The following RYR1 variants were observed in gnomAD, a reference collection of about 807,000 sequenced individuals.
RYR1 encodes the protein central core disease of muscle.
A neutral mutation model predicts 583.5 loss-of-function variants in RYR1; 342 were observed. That is an observed-to-expected ratio of 0.59 (90% CI 0.54 to 0.64). RYR1 has a LOEUF of 0.64. RYR1 is among the 30% of genes least tolerant of loss of function. The pLI is 0.00. For synonymous variants in RYR1, 2,791 were observed against 2,822.5 expected (o/e 0.99, Z 0.35); for missense variants, 6,032 against 6,917.2 (o/e 0.87, Z 4.54).
chr19:38,473,744 C>T lies in RYR1; in HGVS notation c.4133C>T (p.Ala1378Val). ...QPARAENEKD[A>V]TTEKNKKRGF... ...GCCAGGGCGGAGAATGAGAAGGATGCCACCACCGAGAAGAACAAGAAGAGA... is the reference window on the plus strand; with the variant it reads ...GCCAGGGCGGAGAATGAGAAGGATGTCACCACCGAGAAGAACAAGAAGAGA... The change falls in exon 28 of 106, where the codon GCC (alanine) becomes GTC (valine). Residue 1378 changes from alanine to valine, a missense_variant. Around this residue, in one of 11 missense-constraint regions of RYR1, gnomAD observed 2,627 missense variants for 2,961.3 expected, o/e 0.89. Transcript: ENST00000359596. 2 of 1,540,530 alleles carry T rather than the reference C, an allele frequency of 1.3e-6. No individual in the cohort carries two copies. The highest frequency in any genetic ancestry group is 1.8e-6 in the Non-Finnish European group (2 of 1,142,782).
chr19:38,510,607 T>C (rs1249791728), intron 59 of RYR1, 42 bp downstream of exon 59: 4 of 1,614,088 alleles, frequency 2.5e-6, no homozygotes, highest in South Asian at 2.2e-5. Context: ...TGGGGACTCA[T>C]AGGCTCTCCC....
intron 67 of RYR1, among the ~76,000 whole-genome samples, chr19:38,519,843 TA>T (rs1971144768): frequency 6.6e-6 from 1 of 151,920 alleles, no homozygotes; most frequent in Non-Finnish European, 1.5e-5. Flanking sequence ...CACGCCCAGC[TA>T]AGTTTCGTAT....
chr19:38,565,809 T>TG lies in RYR1; in HGVS notation c.13437+43dup, dbSNP rs1973394140. ...GCGGGGTTTTGGGGTTTTGGAAAGATGGGGGATTGGAGGGAGGAAGAGAGC... is the reference window on the plus strand; with the variant it reads ...GCGGGGTTTTGGGGTTTTGGAAAGATGGGGGGATTGGAGGGAGGAAGAGAGC... On this transcript the variant is annotated intron_variant, in intron 91 of 105. Transcript: ENST00000359596. The surrounding 1 kb of genome is among the most constrained non-coding windows in gnomAD (Gnocchi z 4.7). The TG allele has an allele frequency of 1.5e-6, 2 of 1,356,392 alleles. No individual in the cohort carries two copies. Among genetic ancestry groups the TG allele is most frequent in the Non-Finnish European group, 1.9e-6 (2 of 1,062,390 alleles). The allele number at this position is 1,356,392 out of a possible 1,614,324, so 84.0% of individuals were successfully genotyped here. A position where few individuals can be genotyped will look rare whatever the true frequency, so the allele number is the denominator to read the frequency against.
At chr19:38,519,157 G>T in intron 66 of RYR1, 57 bp from the exon 67 acceptor site, 2 of 1,613,246 alleles carry the variant, frequency 1.2e-6, no homozygotes, top group Non-Finnish European at 1.7e-6. Context: ...TGGGAACGGA[G>T]TTTGGGGCCT....
chr19:38,573,891 C>T (rs562108930), intron 96 of RYR1, among the ~76,000 whole-genome samples: 10 of 152,084 alleles, frequency 6.6e-5, no homozygotes, highest in African/African-American at 2.2e-4. Context: ...CCCAGGAACC[C>T]GTGTTTTAAA....
At chr19:38,494,850 C>CG (rs1251064777) in intron 39 of RYR1, among the ~76,000 whole-genome samples, 1 of 142,398 alleles carries the variant, frequency 7.0e-6, no homozygotes, top group African/African-American at 2.9e-5. Context: ...TCCCCACCCC[C>CG]CCCTTTTTTT....
rs767437276 is a variant in RYR1 at position 38,566,956 on chromosome 19, C to T, written c.13483C>T (p.Pro4495Ser). ...EELPPEPEPEPEPELEPEKAD... is the reference protein window; with the variant it reads ...EELPPEPEPESEPELEPEKAD... ...GCTCCCGCCAGAGCCAGAGCCCGAG[C>T]CGGAACCAGAGCTGGAGCCGGAGAA... The change falls in exon 92 of 106, where the codon CCG (proline) becomes TCG (serine). Residue 4495 changes from proline to serine, a missense_variant. By Grantham distance (74) the Pro-to-Ser change is moderately conservative. This residue lies in a region of RYR1 where 753 missense variants were observed against 759.6 expected (regional missense o/e 0.99). Coordinates refer to ENST00000359596, the MANE Select transcript of RYR1 (RefSeq NM_000540.3). The T allele has an allele frequency of 9.3e-6, 15 of 1,605,490 alleles. 1 individual carries two copies. The Admixed American group carries it at 1.9e-4, about 20-fold the overall frequency.
At chr19:38,507,010 T>C (rs1226017603) in intron 57 of RYR1, 58 bp downstream of exon 57, 2 of 1,610,100 alleles carry the variant, frequency 1.2e-6, no homozygotes, top group East Asian at 2.2e-5. Flanking sequence ...CGGCAAAGGC[T>C]GGAAGGGGCG....
At chr19:38,511,937 GGT>G (rs1970743627) in intron 61 of RYR1, 133 bp from the exon 62 acceptor site, 1 of 1,043,610 alleles carries the variant, frequency 9.6e-7, no homozygotes. Flanking sequence ...AGTCTGGGGG[GGT>G]GGGGGTGCAG....
At chr19:38,439,441 C>A (rs1415335412) in intron 1 of RYR1, among the ~76,000 whole-genome samples, 1 of 152,082 alleles carries the variant, frequency 6.6e-6, no homozygotes, top group Non-Finnish European at 1.5e-5. Flanking sequence ...TCAGGTGATC[C>A]ACCTGCCTCG....
At chr19:38,586,608 A>G in intron 105 of RYR1, 32 bp downstream of exon 105, 1 of 1,600,644 alleles carries the variant, frequency 6.2e-7, no homozygotes, top group Non-Finnish European at 8.6e-7. Flanking sequence ...GACAGTGGGC[A>G]GGACGTGGAG....
intron 81 of RYR1, 33 bp downstream of exon 81, chr19:38,535,425 G>T: frequency 6.5e-7 from 1 of 1,548,582 alleles, no homozygotes; most frequent in East Asian, 2.2e-5. Context: ...TTGTTAAGCT[G>T]TGTTTGGTGC....
In RYR1 at chr19:38,453,007, A is replaced by G; in HGVS notation, c.1433A>G (p.Gln478Arg). The G allele has an allele frequency of 2.5e-6, 4 of 1,601,634 alleles. No homozygotes were observed. Among genetic ancestry groups the G allele is most frequent in the Non-Finnish European group, 3.4e-6 (4 of 1,171,812 alleles). Residue 478 changes from glutamine (Q) to arginine (R), a missense_variant, in exon 13 of 106, where the codon CAG becomes CGG. Gln to Arg is a conservative substitution (Grantham distance 43). This residue lies in a region of RYR1 where 2,627 missense variants were observed against 2,961.3 expected (regional missense o/e 0.89). Coordinates refer to ENST00000359596, the MANE Select transcript of RYR1 (RefSeq NM_000540.3). Reference sequence around the variant, plus strand: ...CTGCGCAACCGCCAGAGCCTCTTCCAGGAGGAGGTGAGGACGTGGCGAGGG... The same window carrying G: ...CTGCGCAACCGCCAGAGCCTCTTCCGGGAGGAGGTGAGGACGTGGCGAGGG... ...RSLRNRQSLF[Q>R]EEGMLSMVLN...
chr19:38,440,990 G>A, intron 2 of RYR1, 126 bp downstream of exon 2: 1 of 1,063,298 alleles, frequency 9.4e-7, no homozygotes, highest in South Asian at 1.6e-5. Flanking sequence ...TGAGGAGGGG[G>A]GCTAAGGCTA....
intron 84 of RYR1, among the ~76,000 whole-genome samples, chr19:38,541,366 C>T (rs994514877): frequency 3.9e-5 from 6 of 152,228 alleles, no homozygotes; most frequent in East Asian, 3.9e-4. Context: ...ACTTCTCTTT[C>T]GGGAATAGGT....
At position 38,491,925 on chromosome 19, in the gene RYR1, C is replaced by T. The variant is rs187021734; in HGVS notation, c.6128-565C>T. On this transcript the variant is annotated intron_variant, in intron 37 of 105. Transcript: ENST00000359596. ...CAGTCTGCCTTTTTATTAGTATTCA[C>T]TACTGGATAAGTCACTATTATGATA... is the stretch of plus-strand genomic sequence containing the variant. 4.5e-3 allele frequency among the ~76,000 whole-genome samples: 690 copies of T among 152,256 alleles called. 8 individuals carry two copies. Among genetic ancestry groups the T allele is most frequent in the African/African-American group, 0.016 (662 of 41,542 alleles).
intron 34 of RYR1, among the ~76,000 whole-genome samples, chr19:38,487,555 TG>T (rs1247555874): frequency 6.6e-6 from 1 of 152,192 alleles, no homozygotes; most frequent in African/African-American, 2.4e-5. Flanking sequence ...GGTTTCACCA[TG>T]TTGACCAGGC....
chr19:38,494,374 C>T lies in RYR1; in HGVS notation c.6297C>T (p.Ser2099=), dbSNP rs778752590. The T allele has an allele frequency of 3.1e-6, 5 of 1,611,526 alleles. No homozygotes were observed. The African/African-American group carries it at 5.3e-5, about 17-fold the overall frequency. ...CAGGGTCCCTGCAGGAGCTGGTGTCCCACATGGTGGTGCGCTGGGCCCAAG... is the reference window on the plus strand; with the variant it reads ...CAGGGTCCCTGCAGGAGCTGGTGTCTCACATGGTGGTGCGCTGGGCCCAAG... ...SKPRSLQELV[S]HMVVRWAQED... Residue 2099 remains serine, a synonymous_variant, in exon 39 of 106, where the codon TCC becomes TCT. Coordinates refer to ENST00000359596, the MANE Select transcript of RYR1 (RefSeq NM_000540.3).
Position 38,561,329 on chromosome 19 carries a change from G to T in RYR1, c.12499G>T (p.Glu4167Ter), listed in dbSNP as rs772494345. The change falls in exon 90 of 106, where the codon GAG becomes TAG. Residue 4167 changes from glutamate to a stop codon, truncating the protein, a stop_gained. Coordinates refer to ENST00000359596, the MANE Select transcript of RYR1 (RefSeq NM_000540.3). LOFTEE classifies it high-confidence loss of function. This position sits in a 1 kb window ranked among gnomAD's most constrained non-coding sequence, Gnocchi z 4.8. ...PRLHNFLELAESILEYFRPYL... is the reference protein window; with the variant it reads ...PRLHNFLELA ...CCTGCACAACTTCCTGGAGCTGGCC[G>T]AGAGCATCCTTGAGTACTTCCGCCC... 3 of 1,614,032 alleles carry T rather than the reference G, an allele frequency of 1.9e-6. No homozygotes were observed. Among genetic ancestry groups the T allele is most frequent in the Non-Finnish European group, 2.5e-6 (3 of 1,180,044 alleles).
Sources: gnomAD v4.1 joint callset for allele counts (sites outside exome capture counted in the v4.1 genomes callset) on GRCh38, gnomAD v4.1.1 for gene constraint, gnomAD v4.1.1 regional missense constraint, Gnocchi (gnomAD v3.1) non-coding constraint, MANE v1.5 for transcripts, NCBI Gene and HGNC (gene_info 2026-07-23, HGNC 2026-07-21) for gene names.